FBXO34: variants seen among roughly 807,000 people sequenced by gnomAD.
FBXO34 encodes F-box only protein 34.
A neutral mutation model predicts 24.5 loss-of-function variants in FBXO34; 12 were observed. The observed-to-expected ratio is 0.49, with a 90% CI of 0.31 to 0.79. The LOEUF (loss-of-function observed/expected upper bound fraction) is 0.79. Among genes scored for constraint, FBXO34 ranks in the 30% least tolerant of loss-of-function variants. FBXO34 has a pLI of 0.04. For synonymous variants in FBXO34, 320 were observed against 311.9 expected (o/e 1.03, Z -0.27); for missense variants, 823 against 857.7 (o/e 0.96, Z 0.51).
the FBXO34 span, among the ~76,000 whole-genome samples, chr14:55,420,546 G>T: frequency 6.6e-6 from 1 of 152,160 alleles, no homozygotes; most frequent in Non-Finnish European, 1.5e-5. Context: ...GTAAGTCATG[G>T]ATTAACTTTT....
downstream of FBXO34, chr14:55,353,675 T>G (rs773588673): frequency 6.0e-6 from 1 of 166,742 alleles, no homozygotes; most frequent in Non-Finnish European, 1.5e-5. Flanking sequence ...TCTTGTGAAT[T>G]GAATCATAAG....
intron 1 of FBXO34, among the ~76,000 whole-genome samples, chr14:55,290,427 A>T (rs1292206866): frequency 6.6e-6 from 1 of 152,068 alleles, no homozygotes; most frequent in Non-Finnish European, 1.5e-5. Context: ...AAATTAATTA[A>T]TTAATTGAGG....
the FBXO34 span, among the ~76,000 whole-genome samples, chr14:55,430,203 C>A: frequency 6.6e-6 from 1 of 152,106 alleles, no homozygotes. Flanking sequence ...TTCCACCCCC[C>A]TCATGGGTTT....
downstream of FBXO34, among the ~76,000 whole-genome samples, chr14:55,363,023 CTT>C (rs398057110): frequency 2.0e-4 from 27 of 132,308 alleles, no homozygotes; most frequent in Middle Eastern, 3.8e-3. Context: ...TTCTCTCTCT[CTT>C]TTTTTTTTTT....
chr14:55,411,769 C>A, the FBXO34 span: 42 of 1,605,878 alleles, frequency 2.6e-5, no homozygotes, highest in African/African-American at 4.9e-4. Context: ...GCGGCCGGGG[C>A]CCGCAGCCAG....
chr14:55,369,543 A>C, downstream of FBXO34: 1 of 1,312,612 alleles, frequency 7.6e-7, no homozygotes, highest in Non-Finnish European at 1.0e-6. Context: ...CTTAACTTAA[A>C]CAGAAAATGT....
At chr14:55,337,405 A>T (rs1883821281) in intron 1 of FBXO34, among the ~76,000 whole-genome samples, 2 of 152,198 alleles carry the variant, frequency 1.3e-5, no homozygotes, top group African/African-American at 2.4e-5. Context: ...GTTCTCTTCC[A>T]TGTGTTCTGT....
chr14:55,439,239 C>T, the FBXO34 span, among the ~76,000 whole-genome samples: 1 of 143,990 alleles, frequency 6.9e-6, no homozygotes, highest in Non-Finnish European at 1.5e-5. Flanking sequence ...TCACCCTGCC[C>T]AATGCTAAGG....
chr14:55,406,142 G>A, the FBXO34 span, among the ~76,000 whole-genome samples: 1 of 152,168 alleles, frequency 6.6e-6, no homozygotes, highest in Admixed American at 6.5e-5. Flanking sequence ...ATTAATGTGA[G>A]ATCAATTTAT....
chr14:55,330,216 T>C (rs1408921911), intron 1 of FBXO34, among the ~76,000 whole-genome samples: 1 of 152,192 alleles, frequency 6.6e-6, no homozygotes, highest in Non-Finnish European at 1.5e-5. Context: ...TCCACATACT[T>C]TCCCTTTTAA....
chr14:55,435,930 T>C, the FBXO34 span: 4 of 1,568,072 alleles, frequency 2.6e-6, no homozygotes, highest in Non-Finnish European at 3.4e-6. Context: ...GTGGAAACTA[T>C]ATTCCTGAAG....
chr14:55,295,844 A>G (rs1223838076), intron 1 of FBXO34, among the ~76,000 whole-genome samples: 1 of 152,248 alleles, frequency 6.6e-6, no homozygotes, highest in East Asian at 1.9e-4. Context: ...TGTTATAGTA[A>G]AGAATACTTT....
At chr14:55,383,298 C>A in the FBXO34 span, among the ~76,000 whole-genome samples, 8,847 of 152,202 alleles carry the variant, frequency 0.058, 326 homozygotes, top group South Asian at 0.09. Flanking sequence ...TGCCTGTAAT[C>A]CCAGCACTTT....
intron 1 of FBXO34, among the ~76,000 whole-genome samples, chr14:55,302,002 A>G (rs1361285133): frequency 1.3e-5 from 2 of 152,260 alleles, no homozygotes; most frequent in African/African-American, 4.8e-5. Context: ...AGCAAGGCAG[A>G]GTGGCAGATC....
At chr14:55,341,872 T>G (rs1199649962) in intron 1 of FBXO34, among the ~76,000 whole-genome samples, 2 of 152,198 alleles carry the variant, frequency 1.3e-5, no homozygotes, top group African/African-American at 4.8e-5. Context: ...TTATTTTGTC[T>G]CTATCCTGAA....
chr14:55,397,282 A>G, the FBXO34 span: 1 of 1,096,320 alleles, frequency 9.1e-7, no homozygotes, highest in Non-Finnish European at 1.4e-6. Flanking sequence ...GTAAGTTAGC[A>G]ATCCGTATAT....
At chr14:55,305,463 G>A (rs1291466815) in intron 1 of FBXO34, among the ~76,000 whole-genome samples, 1 of 151,570 alleles carries the variant, frequency 6.6e-6, no homozygotes, top group African/African-American at 2.4e-5. Flanking sequence ...TGGTGGCTGA[G>A]GCGAGTGGAT....
chr14:55,319,760 C>G (rs1255755112), intron 1 of FBXO34, among the ~76,000 whole-genome samples: 1 of 152,220 alleles, frequency 6.6e-6, no homozygotes, highest in Non-Finnish European at 1.5e-5. Context: ...ACTGCAAGCT[C>G]TGCCTCCCGG....
At chr14:55,411,365 G>A in the FBXO34 span, among the ~76,000 whole-genome samples, 1 of 152,220 alleles carries the variant, frequency 6.6e-6, no homozygotes, top group African/African-American at 2.4e-5. Context: ...CAAGAGCACC[G>A]TGGGGTCAAA....
Sources: gnomAD v4.1 joint callset for allele counts (sites outside exome capture counted in the v4.1 genomes callset) on GRCh38, gnomAD v4.1.1 for gene constraint, MANE v1.5 for transcripts, NCBI Gene and HGNC (gene_info 2026-07-23, HGNC 2026-07-21) for gene names.